SLC24A2: variants seen among roughly 807,000 people sequenced by gnomAD.
SLC24A2 encodes sodium/potassium/calcium exchanger 2.
Under a neutral mutation model 62.0 loss-of-function variants are expected in SLC24A2, and 36 were observed. The observed-to-expected ratio is 0.58, with a 90% confidence interval of 0.44 to 0.77. The LOEUF (loss-of-function observed/expected upper bound fraction) is 0.77. Ranked by LOEUF, SLC24A2 falls within the 30% of genes least tolerant of loss-of-function variation. SLC24A2 has a pLI of 0.00. For synonymous variants in SLC24A2, 358 were observed against 294.0 expected (o/e 1.22, Z -2.23); for missense variants, 846 against 817.9 (o/e 1.03, Z -0.42).
the SLC24A2 span, among the ~76,000 whole-genome samples, chr9:20,151,615 A>T: frequency 6.6e-6 from 1 of 151,880 alleles, no homozygotes; most frequent in Non-Finnish European, 1.5e-5. Flanking sequence ...GCCAGAAAAC[A>T]GTCACATGAC....
At chr9:20,277,300 C>T in the SLC24A2 span, among the ~76,000 whole-genome samples, 1,487 of 150,380 alleles carry the variant, frequency 9.9e-3, 29 homozygotes, top group African/African-American at 0.035. Flanking sequence ...GAACAGGCAA[C>T]CTACAGAATG....
the SLC24A2 span, among the ~76,000 whole-genome samples, chr9:20,247,693 CCAAA>C: frequency 6.6e-6 from 1 of 152,200 alleles, no homozygotes; most frequent in East Asian, 1.9e-4. Context: ...TTATGACAGC[CCAAA>C]CAGAGTAAGA....
At chr9:20,265,893 C>T in the SLC24A2 span, among the ~76,000 whole-genome samples, 6 of 152,102 alleles carry the variant, frequency 3.9e-5, no homozygotes, top group African/African-American at 1.4e-4. Context: ...CCCTTGGGTG[C>T]GGCCATCTTT....
the SLC24A2 span, among the ~76,000 whole-genome samples, chr9:20,064,443 G>C: frequency 6.6e-6 from 1 of 151,900 alleles, no homozygotes; most frequent in East Asian, 1.9e-4. Flanking sequence ...TAAAATTATT[G>C]AATTATAATT....
chr9:19,900,315 C>T, the SLC24A2 span, among the ~76,000 whole-genome samples: 9 of 152,180 alleles, frequency 5.9e-5, no homozygotes, highest in South Asian at 4.2e-4. Context: ...TTTTTCACTG[C>T]GGAAAATTAC....
chr9:19,900,021 C>T, the SLC24A2 span, among the ~76,000 whole-genome samples: 144 of 152,288 alleles, frequency 9.5e-4, 1 homozygote, highest in Middle Eastern at 3.4e-3. Flanking sequence ...GTACCCTGAA[C>T]CTTCACTACT....
chr9:20,014,314 T>C, the SLC24A2 span, among the ~76,000 whole-genome samples: 1 of 151,980 alleles, frequency 6.6e-6, no homozygotes, highest in African/African-American at 2.4e-5. Context: ...TGAAAAGCAG[T>C]GTAGACAGTC....
intron 2 of SLC24A2, among the ~76,000 whole-genome samples, chr9:19,624,893 C>T (rs1037364515): frequency 1.3e-5 from 2 of 152,142 alleles, no homozygotes; most frequent in African/African-American, 4.8e-5. Flanking sequence ...CTAATTGCAT[C>T]CTGAAGCAGC....
At chr9:20,083,623 G>C in the SLC24A2 span, among the ~76,000 whole-genome samples, 1 of 152,226 alleles carries the variant, frequency 6.6e-6, no homozygotes, top group African/African-American at 2.4e-5. Context: ...ATACCATTTA[G>C]TAGCATTTAG....
intron 2 of SLC24A2, among the ~76,000 whole-genome samples, chr9:19,648,448 C>T (rs1193901356): frequency 6.6e-6 from 1 of 152,084 alleles, no homozygotes; most frequent in Non-Finnish European, 1.5e-5. Flanking sequence ...TTTCAAAACA[C>T]AAGAGAAAAA....
the SLC24A2 span, among the ~76,000 whole-genome samples, chr9:20,265,566 G>A: frequency 0.017 from 2,583 of 152,154 alleles, 34 homozygotes; most frequent in East Asian, 0.035. Flanking sequence ...TAATCCTGTC[G>A]TTTTCATAAG....
chr9:20,293,309 G>C, the SLC24A2 span, among the ~76,000 whole-genome samples: 4 of 152,204 alleles, frequency 2.6e-5, no homozygotes, highest in African/African-American at 4.8e-5. Context: ...CTCCCAGAAA[G>C]GTAGGGTTGG....
the SLC24A2 span, among the ~76,000 whole-genome samples, chr9:19,884,791 G>A: frequency 6.6e-6 from 1 of 152,162 alleles, no homozygotes; most frequent in Non-Finnish European, 1.5e-5. Context: ...TAGGCTTTGT[G>A]TTAGATGATT....
intron 7 of SLC24A2, among the ~76,000 whole-genome samples, chr9:19,553,073 A>T (rs1004175806): frequency 3.3e-5 from 5 of 152,182 alleles, no homozygotes; most frequent in African/African-American, 1.2e-4. Flanking sequence ...ACAGGAACCT[A>T]GAATCCTGGG....
At chr9:19,817,422 C>A in the SLC24A2 span, among the ~76,000 whole-genome samples, 189 of 151,954 alleles carry the variant, frequency 1.2e-3, 2 homozygotes, top group African/African-American at 4.4e-3. Context: ...TTGAGCAAAC[C>A]AACCTGTTCC....
the SLC24A2 span, among the ~76,000 whole-genome samples, chr9:20,000,686 T>C: frequency 1.3e-5 from 2 of 152,150 alleles, no homozygotes; most frequent in African/African-American, 4.8e-5. Context: ...TATGTGTCAG[T>C]GTTATATAAT....
rs1054873947 is a variant in SLC24A2 at position 19,514,231 on chromosome 9, C to T, written c.*1922G>A. 6.6e-6 allele frequency: 1 copy of T among 152,196 alleles called. No homozygotes were observed. The highest frequency in any genetic ancestry group is 1.9e-4 in the East Asian group (1 of 5,192). The allele number at this position is 152,196 out of a possible 1,614,324, so 9.4% of individuals were successfully genotyped here. A position where few individuals can be genotyped will look rare whatever the true frequency, so the allele number is the denominator to read the frequency against. On this transcript the variant is annotated 3_prime_UTR_variant, in exon 11 of 11. Coordinates refer to ENST00000341998, the MANE Select transcript of SLC24A2 (RefSeq NM_020344.4). ...AGCTTGATCTGGGGCTGTCAGGTTA[C>T]CTTTCCTCTTATTCTGCTGTGAGTT... is the stretch of plus-strand genomic sequence containing the variant.
At chr9:20,041,427 C>G in the SLC24A2 span, among the ~76,000 whole-genome samples, 1 of 152,246 alleles carries the variant, frequency 6.6e-6, no homozygotes, top group African/African-American at 2.4e-5. Flanking sequence ...TTTGCAAATA[C>G]TGTCACTTAC....
the SLC24A2 span, among the ~76,000 whole-genome samples, chr9:20,114,544 C>T: frequency 6.6e-6 from 1 of 152,168 alleles, no homozygotes; most frequent in South Asian, 2.1e-4. Context: ...GTACACCATC[C>T]CAAAAGTTCC....
Sources: allele counts gnomAD v4.1 joint callset (sites outside exome capture counted in the v4.1 genomes callset), GRCh38; gene constraint gnomAD v4.1.1; transcripts MANE v1.5; gene names NCBI Gene and HGNC (gene_info 2026-07-23, HGNC 2026-07-21).